The following CSMD2 variants were observed in gnomAD, a reference collection of about 807,000 sequenced individuals.
CSMD2 encodes the protein CUB and sushi domain-containing protein 2.
CSMD2 carries 130 observed loss-of-function variants against 398.5 expected under a neutral mutation model. The ratio of observed to expected loss-of-function variants is 0.33; its 90% CI spans 0.28 to 0.38. CSMD2 has a LOEUF of 0.38. CSMD2 is among the 10% of genes least tolerant of loss of function. The pLI, the probability that CSMD2 is intolerant of heterozygous loss-of-function variation, is 1.00. For synonymous variants in CSMD2, 1,828 were observed against 1,908.5 expected (o/e 0.96, Z 1.10); for missense variants, 3,829 against 4,764.9 (o/e 0.80, Z 5.78).
intron 6 of CSMD2, among the ~76,000 whole-genome samples, chr1:33,840,325 C>A (rs1660724210): frequency 2.0e-5 from 3 of 152,198 alleles, no homozygotes. Context: ...CTGGGACATT[C>A]TTTCCTCCCC....
intron 10 of CSMD2, among the ~76,000 whole-genome samples, chr1:33,800,032 G>A (rs1655408196): frequency 6.6e-6 from 1 of 152,170 alleles, no homozygotes; most frequent in Admixed American, 6.5e-5. Context: ...GCCTGCCCCT[G>A]CCACTTCCTG....
At chr1:33,670,151 C>T (rs1220740540) in intron 25 of CSMD2, among the ~76,000 whole-genome samples, 2 of 152,206 alleles carry the variant, frequency 1.3e-5, no homozygotes, top group Non-Finnish European at 2.9e-5. Context: ...ACAGGCTTCT[C>T]CTTGTCCTCC....
chr1:33,989,013 C>CATATATATATATAT (rs71029018), intron 3 of CSMD2, among the ~76,000 whole-genome samples: 1 of 94,832 alleles, frequency 1.1e-5, no homozygotes, highest in Non-Finnish European at 2.2e-5. Context: ...TCTCTCTCTC[C>CATATATATATATAT]ATATATATAT....
chr1:33,564,397 G>C (rs77932153), intron 53 of CSMD2, among the ~76,000 whole-genome samples: 4,897 of 152,056 alleles, frequency 0.032, 310 homozygotes, highest in African/African-American at 0.11. Flanking sequence ...ATGTCTTTAG[G>C]CCAGGCAGAC....
intron 10 of CSMD2, among the ~76,000 whole-genome samples, chr1:33,794,675 G>T (rs1654729345): frequency 6.6e-6 from 1 of 152,242 alleles, no homozygotes; most frequent in South Asian, 2.1e-4. Context: ...GTAAAGGCAT[G>T]ACATGAGATT....
intron 6 of CSMD2, among the ~76,000 whole-genome samples, chr1:33,831,815 A>C (rs1019861343): frequency 3.4e-4 from 51 of 151,524 alleles, no homozygotes; most frequent in African/African-American, 1.2e-3. Flanking sequence ...GGATGGAGGA[A>C]GATCTACCAA....
Position 33,678,548 on chromosome 1 carries a change from G to A in CSMD2, c.4052+14382C>T, listed in dbSNP as rs548012363. Among the ~76,000 whole-genome samples, 4 of 152,272 alleles carry A rather than the reference G, an allele frequency of 2.6e-5. No homozygotes were observed. The South Asian group carries it at 8.3e-4, about 32-fold the overall frequency. ...AATGGCATGTGAATGAACAGCTGCT[G>A]CAGGGGGAAGGGGGTCAGAAATCAC... On this transcript the variant is annotated intron_variant, in intron 25 of 70. Transcript: ENST00000373381.
At chr1:33,771,796 G>A (rs1023624535) in intron 13 of CSMD2, among the ~76,000 whole-genome samples, 1 of 152,202 alleles carries the variant, frequency 6.6e-6, no homozygotes, top group African/African-American at 2.4e-5. Flanking sequence ...AGATGGAGAA[G>A]GTGGAGTGAC....
intron 29 of CSMD2, among the ~76,000 whole-genome samples, 200 bp downstream of exon 29, chr1:33,646,448 C>T (rs574355896): frequency 1.3e-5 from 2 of 151,934 alleles, no homozygotes; most frequent in South Asian, 4.1e-4. Context: ...TTTTTCCCAC[C>T]CCTGGAGAAT....
chr1:33,893,982 T>C (rs1384583730), intron 5 of CSMD2, among the ~76,000 whole-genome samples: 1 of 152,170 alleles, frequency 6.6e-6, no homozygotes, highest in African/African-American at 2.4e-5. Flanking sequence ...CATATCCCGA[T>C]GTGGGGTCTA....
rs983126740 is a variant in CSMD2, at chr1:33,619,891, C to T, written c.5828-2274G>A. Among the ~76,000 whole-genome samples, 4 of 152,182 alleles carry T rather than the reference C, an allele frequency of 2.6e-5. No homozygotes were observed. In the East Asian group the frequency reaches 7.7e-4, roughly 29 times the overall value. On this transcript the variant is annotated intron_variant, in intron 37 of 70. Coordinates refer to ENST00000373381, the MANE Select transcript of CSMD2 (RefSeq NM_001281956.2). ...CTTGTCTATTTCTCCCCATTCCTCT[C>T]CACACTCCAAGTAGAACAAAACTCA...
intron 25 of CSMD2, among the ~76,000 whole-genome samples, chr1:33,689,949 G>C (rs1403814512): frequency 6.6e-6 from 1 of 152,202 alleles, no homozygotes; most frequent in Non-Finnish European, 1.5e-5. Context: ...AAAAGTTGGT[G>C]TGATCACTTG....
chr1:33,726,050 C>T (rs1393203675), intron 16 of CSMD2, among the ~76,000 whole-genome samples: 1 of 152,144 alleles, frequency 6.6e-6, no homozygotes, highest in Non-Finnish European at 1.5e-5. Flanking sequence ...TATTCCAGGC[C>T]AGGAACACTT....
Position 34,089,138 on chromosome 1 carries a change from C to A in CSMD2, c.243G>T (p.Gly81=), listed in dbSNP as rs761241667. 6.2e-7 allele frequency: 1 copy of A among 1,614,170 alleles called. No individual in the cohort carries two copies. Among genetic ancestry groups the A allele is most frequent in the Non-Finnish European group, 8.5e-7 (1 of 1,180,034 alleles). Residue 81 remains glycine, a synonymous_variant, in exon 2 of 71, where the codon GGG becomes GGT. Coordinates refer to ENST00000373381, the MANE Select transcript of CSMD2 (RefSeq NM_001281956.2). ...CGTAATTGGGGTAGCCATATGGGAA[C>A]CCTGGGCTCTCAACTGTCCCATTGG... The part of the protein sequence containing the change: ...HGPNGTVESP[G]FPYGYPNYAN...
chr1:34,051,255 C>A (rs1281720179), intron 2 of CSMD2, among the ~76,000 whole-genome samples: 1 of 152,180 alleles, frequency 6.6e-6, no homozygotes, highest in Admixed American at 6.5e-5. Context: ...GTTTAGGTCA[C>A]CCCACGTGGT....
In CSMD2 at chr1:33,521,477, C is replaced by A; in HGVS notation, c.10583G>T (p.Gly3528Val). 2 of 1,611,586 alleles carry A rather than the reference C, an allele frequency of 1.2e-6. No individual in the cohort carries two copies. The highest frequency in any genetic ancestry group is 1.7e-6 in the Non-Finnish European group (2 of 1,177,692). Residue 3528 changes from glycine to valine, a missense_variant, in exon 68 of 71, where the codon GGC becomes GTC. Gly to Val is a moderately radical substitution (Grantham distance 109). Coordinates refer to ENST00000373381, the MANE Select transcript of CSMD2 (RefSeq NM_001281956.2). Reference sequence around the variant, plus strand: ...GCACTAGTTACCCAGTCTTTGAAAGCCGAACTGCCCAAAGCCTTGGCCCTT... The same window carrying A: ...GCACTAGTTACCCAGTCTTTGAAAGACGAACTGCCCAAAGCCTTGGCCCTT... ...SVKGQGFGQF[G>V]FQRLDLRLLE...
chr1:33,925,100 G>A (rs746607523), intron 4 of CSMD2, among the ~76,000 whole-genome samples: 4 of 151,976 alleles, frequency 2.6e-5, no homozygotes, highest in African/African-American at 9.7e-5. Context: ...GTGCTTTTGA[G>A]GTCTTAGCCA....
chr1:33,714,622 C>T lies in CSMD2; in HGVS notation c.3371G>A (p.Arg1124Gln), dbSNP rs758609176. ...TARITCLGGRRRLWSSPLPRC... is the reference protein window; with the variant it reads ...TARITCLGGRQRLWSSPLPRC... ...TGGCAGAGGCGAGCTCCACAGGCGC[C>T]GTCTGCCCCCCAGGCACGTGATGCG... The change falls in exon 21 of 71, where the codon CGG becomes CAG. Residue 1124 changes from arginine (R) to glutamine (Q), a missense_variant. Physicochemically the swap from Arg to Gln is conservative, Grantham distance 43 (BLOSUM62 1). This residue lies in a region of CSMD2 where 2,001 missense variants were observed against 2,567.1 expected (regional missense o/e 0.78). Transcript: ENST00000373381. The T allele has an allele frequency of 1.1e-5, 17 of 1,613,942 alleles. No homozygotes were observed. The East Asian group carries it at 2.0e-4, about 19-fold the overall frequency.
intron 15 of CSMD2, among the ~76,000 whole-genome samples, chr1:33,729,784 A>G (rs1469780913): frequency 6.6e-6 from 1 of 152,202 alleles, no homozygotes; most frequent in Non-Finnish European, 1.5e-5. Flanking sequence ...CTCATCCATC[A>G]GATAGGCAAA....
Sources: gnomAD v4.1 joint callset for allele counts (sites outside exome capture counted in the v4.1 genomes callset) on GRCh38, gnomAD v4.1.1 for gene constraint, gnomAD v4.1.1 regional missense constraint, MANE v1.5 for transcripts, NCBI Gene and HGNC (gene_info 2026-07-23, HGNC 2026-07-21) for gene names.